Variants in RANBP2 observed in about 807,000 individuals in gnomAD.
RANBP2 encodes the protein E3 SUMO-protein ligase RanBP2.
A neutral mutation model predicts 303.6 loss-of-function variants in RANBP2; 57 were observed. The ratio of observed to expected loss-of-function variants is 0.19; its 90% CI spans 0.15 to 0.23. The LOEUF is 0.23. Ranked by LOEUF, RANBP2 falls within the 10% of genes least tolerant of loss-of-function variation. The pLI is 1.00. For missense variants in RANBP2, 3,138 were observed against 3,780.8 expected (o/e 0.83, Z 4.46); for synonymous variants, 1,167 against 1,301.5 (o/e 0.90, Z 2.23).
the RANBP2 span, among the ~76,000 whole-genome samples, chr2:109,258,971 G>A: frequency 2.6e-5 from 4 of 152,326 alleles, no homozygotes; most frequent in African/African-American, 4.8e-5. Context: ...CGGGGCATCC[G>A]CATGCCCTCT....
chr2:109,188,903 T>C, the RANBP2 span, among the ~76,000 whole-genome samples: 3 of 152,188 alleles, frequency 2.0e-5, no homozygotes, highest in South Asian at 6.2e-4. Flanking sequence ...GCAGCTGGCA[T>C]TTAGTCTCAC....
the RANBP2 span, among the ~76,000 whole-genome samples, chr2:109,572,132 C>CT: frequency 1.2e-4 from 18 of 151,204 alleles, no homozygotes; most frequent in East Asian, 1.9e-4. Context: ...CTCCCCACCT[C>CT]TTTTTTTTTG....
At chr2:109,761,462 C>T in the RANBP2 span, among the ~76,000 whole-genome samples, 1 of 149,274 alleles carries the variant, frequency 6.7e-6, no homozygotes, top group Admixed American at 6.8e-5. Flanking sequence ...CCCCAGGTAT[C>T]CCTTTGTGCC....
chr2:109,485,691 G>A, the RANBP2 span, among the ~76,000 whole-genome samples: 1 of 152,260 alleles, frequency 6.6e-6, no homozygotes. Flanking sequence ...AGTACCACTT[G>A]ATTTCAGGCT....
the RANBP2 span, among the ~76,000 whole-genome samples, chr2:109,055,591 G>A: frequency 8.0e-5 from 12 of 150,214 alleles, no homozygotes; most frequent in South Asian, 8.7e-4. Flanking sequence ...TCACCATATT[G>A]GCCAGGCTGG....
At chr2:108,906,123 T>A in the RANBP2 span, among the ~76,000 whole-genome samples, 40 of 152,326 alleles carry the variant, frequency 2.6e-4, no homozygotes, top group African/African-American at 9.1e-4. Context: ...TGCCTTCCGA[T>A]ATCTGGGAAC....
the RANBP2 span, among the ~76,000 whole-genome samples, chr2:108,878,080 A>G: frequency 1.3e-5 from 2 of 152,230 alleles, 1 homozygote; most frequent in Admixed American, 1.3e-4. Context: ...GGAGAAAGAA[A>G]TGACTTAAAG....
At chr2:109,150,944 T>G in the RANBP2 span, among the ~76,000 whole-genome samples, 1 of 152,330 alleles carries the variant, frequency 6.6e-6, no homozygotes, top group Admixed American at 6.5e-5. Context: ...AGCTAGTTAT[T>G]TCAAGGTGCT....
chr2:109,238,449 T>TTGTGTGTG, the RANBP2 span, among the ~76,000 whole-genome samples: 21 of 142,712 alleles, frequency 1.5e-4, no homozygotes, highest in South Asian at 7.2e-4. Flanking sequence ...TTATGTATAT[T>TTGTGTGTG]TGTGTGTGTG....
At chr2:109,479,809 A>C in the RANBP2 span, among the ~76,000 whole-genome samples, 1 of 152,152 alleles carries the variant, frequency 6.6e-6, no homozygotes, top group African/African-American at 2.4e-5. Context: ...GCAGACCCCC[A>C]AAACCATCCA....
chr2:109,398,372 C>T, the RANBP2 span, among the ~76,000 whole-genome samples: 1 of 152,204 alleles, frequency 6.6e-6, no homozygotes, highest in Admixed American at 6.5e-5. Flanking sequence ...TGAGTCCCCT[C>T]TCTCCATCAT....
chr2:109,564,794 C>T, the RANBP2 span, among the ~76,000 whole-genome samples: 10 of 151,906 alleles, frequency 6.6e-5, no homozygotes, highest in African/African-American at 2.4e-4. Context: ...CAGGAAATAC[C>T]AAAAAAGACA....
chr2:108,976,549 T>G, the RANBP2 span, among the ~76,000 whole-genome samples: 1 of 152,138 alleles, frequency 6.6e-6, no homozygotes, highest in African/African-American at 2.4e-5. Flanking sequence ...CCGTTTAACC[T>G]CCTCAAGGGC....
intron 25 of RANBP2, 95 bp from the exon 26 acceptor site, chr2:108,781,174 C>A (rs1678230365): frequency 1.7e-6 from 2 of 1,209,612 alleles, no homozygotes; most frequent in Non-Finnish European, 2.4e-6. Flanking sequence ...GTACATATTA[C>A]ATCATCAGGA....
the RANBP2 span, among the ~76,000 whole-genome samples, chr2:109,262,887 C>CA: frequency 6.6e-6 from 1 of 152,056 alleles, no homozygotes; most frequent in Non-Finnish European, 1.5e-5. Context: ...GGCTGGAGTG[C>CA]AGTGGCATGA....
chr2:108,916,604 C>T, the RANBP2 span, among the ~76,000 whole-genome samples: 24 of 152,290 alleles, frequency 1.6e-4, no homozygotes, highest in Middle Eastern at 6.8e-3. Flanking sequence ...TAAACGGTCC[C>T]CAACTGTGCC....
the RANBP2 span, chr2:109,544,166 T>C: frequency 6.4e-7 from 1 of 1,573,196 alleles, no homozygotes; most frequent in Non-Finnish European, 8.6e-7. Flanking sequence ...TGAAAGTACT[T>C]TTCCATAAAT....
Position 108,770,024 on chromosome 2 carries a change from C to T in RANBP2, c.7849+1636C>T, listed in dbSNP as rs562837304. 1.1e-4 allele frequency among the ~76,000 whole-genome samples: 16 copies of T among 151,892 alleles called. No individual in the cohort carries two copies. In the East Asian group the frequency reaches 2.3e-3, roughly 22 times the overall value. ...TCTTAATCTTTTATTTTTAAAGATA[C>T]GGTCTTTGAGAAATGTGAAAAGTGT... On this transcript the variant is annotated intron_variant, in intron 20 of 28. Coordinates refer to ENST00000283195, the MANE Select transcript of RANBP2 (RefSeq NM_006267.5).
At chr2:109,279,875 C>T in the RANBP2 span, among the ~76,000 whole-genome samples, 85 of 151,584 alleles carry the variant, frequency 5.6e-4, 1 homozygote, top group African/African-American at 1.7e-3. Flanking sequence ...GGGTATGGGC[C>T]CCTGGGGGGT....
Sources: gnomAD v4.1 joint callset for allele counts (sites outside exome capture counted in the v4.1 genomes callset) on GRCh38, gnomAD v4.1.1 for gene constraint, MANE v1.5 for transcripts, NCBI Gene and HGNC (gene_info 2026-07-23, HGNC 2026-07-21) for gene names.